SFMBT2: variants seen among roughly 807,000 people sequenced by gnomAD.
SFMBT2 encodes the protein Scm like with four mbt domains 2.
A neutral mutation model predicts 110.1 loss-of-function variants in SFMBT2; 38 were observed. That is an observed-to-expected ratio of 0.35 (90% CI 0.27 to 0.45). The LOEUF (loss-of-function observed/expected upper bound fraction) is 0.45. Ranked by LOEUF, SFMBT2 falls within the 20% of genes least tolerant of loss-of-function variation. SFMBT2 has a pLI of 1.00. For synonymous variants in SFMBT2, 425 were observed against 425.4 expected, an observed-to-expected ratio of 1.00 and a Z score of 0.01; for missense variants, 1,011 against 1,094.9, an observed-to-expected ratio of 0.92 and a Z score of 1.08.
At chr10:7,330,696 C>T (rs1843538291) in intron 4 of SFMBT2, among the ~76,000 whole-genome samples, 2 of 152,310 alleles carry the variant, frequency 1.3e-5, no homozygotes, top group Admixed American at 6.5e-5. Context: ...TCCCATCTCT[C>T]TCTATCCCCC....
At chr10:7,387,449 T>C (rs562502234) in intron 1 of SFMBT2, among the ~76,000 whole-genome samples, 227 of 152,210 alleles carry the variant, frequency 1.5e-3, no homozygotes, top group Non-Finnish European at 2.9e-3. Context: ...AGCAAGTCTG[T>C]CCGTCCAACC....
intron 10 of SFMBT2, among the ~76,000 whole-genome samples, chr10:7,222,331 C>G (rs930133424): frequency 6.6e-6 from 1 of 152,090 alleles, no homozygotes; most frequent in African/African-American, 2.4e-5. Flanking sequence ...TTCATGTAAA[C>G]GTAAGTATAT....
At chr10:7,361,672 C>G (rs900811440) in intron 4 of SFMBT2, among the ~76,000 whole-genome samples, 2 of 152,122 alleles carry the variant, frequency 1.3e-5, no homozygotes, top group Non-Finnish European at 2.9e-5. Context: ...CTGCAGAGTA[C>G]GCAATTCAAA....
chr10:7,264,102 A>C (rs1368311015), intron 7 of SFMBT2: 2 of 244,044 alleles, frequency 8.2e-6, no homozygotes, highest in South Asian at 3.0e-4. Flanking sequence ...GAAGGTCTTT[A>C]TTTCTTTCTT....
intron 4 of SFMBT2, among the ~76,000 whole-genome samples, chr10:7,312,411 C>T (rs183298594): frequency 8.0e-4 from 122 of 152,214 alleles, no homozygotes; most frequent in African/African-American, 2.1e-3. Flanking sequence ...CTTCACAAGA[C>T]AGAAGTAAAG....
chr10:7,360,545 T>C (rs983404424), intron 4 of SFMBT2, among the ~76,000 whole-genome samples: 1 of 152,098 alleles, frequency 6.6e-6, no homozygotes, highest in Non-Finnish European at 1.5e-5. Context: ...AACACGGATT[T>C]CTGGGGGGAA....
At chr10:7,272,644 C>T (rs998622050) in intron 7 of SFMBT2, among the ~76,000 whole-genome samples, 2 of 152,246 alleles carry the variant, frequency 1.3e-5, no homozygotes, top group African/African-American at 2.4e-5. Flanking sequence ...GCTCCTGGAA[C>T]GCTGGCAGTC....
chr10:7,163,787 C>T lies in SFMBT2; in HGVS notation c.2668G>A (p.Ala890Thr), dbSNP rs202183517. ...GGGCAGACTCAGTTGGCGTACTGGG[C>T]GTAGAAAGCCACTTTGACTCTCTCG... ...QIERVKVAFY[A>T]QYAN Residue 890 changes from alanine to threonine, a missense_variant, in exon 21 of 21, where the codon GCC becomes ACC. By Grantham distance (58) the Ala-to-Thr change is moderately conservative. Transcript: ENST00000397167. This position sits in a 1 kb window ranked among gnomAD's most constrained non-coding sequence, Gnocchi z 4.8. 1.7e-5 allele frequency: 27 copies of T among 1,613,934 alleles called. No homozygotes were observed. The Middle Eastern group carries it at 1.2e-3, about 69-fold the overall frequency.
chr10:7,404,806 C>G (rs1846170484), intron 1 of SFMBT2, among the ~76,000 whole-genome samples: 1 of 152,142 alleles, frequency 6.6e-6, no homozygotes, highest in African/African-American at 2.4e-5. Flanking sequence ...TACAGGCCAA[C>G]CAGATGGGAA....
rs987970056 is a variant in SFMBT2 at position 7,385,813 on chromosome 10, C to A, written c.-51-3864G>T. The stretch of plus-strand genomic sequence containing the variant: ...AGGAGATCAAGACCATCCTGGCTAA[C>A]ACGGTGAAACCCCGTCTCTACTAAA... On this transcript the variant is annotated intron_variant, in intron 1 of 20. Transcript: ENST00000397167. Among the ~76,000 whole-genome samples the A allele has an allele frequency of 3.6e-4, 55 of 152,168 alleles. No homozygotes were observed. The East Asian group carries it at 9.5e-3, about 26-fold the overall frequency.
At position 7,170,262 on chromosome 10, in the gene SFMBT2, G is replaced by C. The variant is rs1330162951; in HGVS notation, c.2544+666C>G. Among the ~76,000 whole-genome samples, 1 of 152,226 alleles carries C rather than the reference G, an allele frequency of 6.6e-6. No individual in the cohort carries two copies. Among genetic ancestry groups the C allele is most frequent in the Non-Finnish European group, 1.5e-5 (1 of 68,040 alleles). On this transcript the variant is annotated intron_variant, in intron 20 of 20. Transcript: ENST00000397167. This position sits in a 1 kb window ranked among gnomAD's most constrained non-coding sequence, Gnocchi z 4.6. ...GCCCCTGAGACTTGGAGCTGAAGAAGCTGCAACCCAGATTTGCCAAAAGGC... is the reference window on the plus strand; with the variant it reads ...GCCCCTGAGACTTGGAGCTGAAGAACCTGCAACCCAGATTTGCCAAAAGGC...
intron 4 of SFMBT2, among the ~76,000 whole-genome samples, chr10:7,338,449 T>G (rs1462858730): frequency 6.6e-6 from 1 of 152,224 alleles, no homozygotes; most frequent in Non-Finnish European, 1.5e-5. Flanking sequence ...ATTTTGTATG[T>G]TCTATGTATT....
At chr10:7,401,659 T>G (rs749133224) in intron 1 of SFMBT2, among the ~76,000 whole-genome samples, 1 of 152,166 alleles carries the variant, frequency 6.6e-6, no homozygotes, top group Non-Finnish European at 1.5e-5. Context: ...GGGCTCAGGA[T>G]CAACCCTGAT....
chr10:7,255,856 G>A (rs915606089), intron 7 of SFMBT2, among the ~76,000 whole-genome samples: 4 of 152,130 alleles, frequency 2.6e-5, no homozygotes, highest in African/African-American at 9.7e-5. Flanking sequence ...ACTTTTTGAG[G>A]GCCAACAAGA....
rs561099524 is a variant in SFMBT2, at chr10:7,208,787, G to A, written c.1331-2859C>T. Among the ~76,000 whole-genome samples the A allele has an allele frequency of 9.9e-5, 15 of 151,752 alleles. 1 individual carries two copies. The highest frequency in any genetic ancestry group is 8.3e-4 in the South Asian group (4 of 4,816). ...GTTCTGCTAATTCAAACATCACATC[G>A]TATTATGGCTTTAATACATACGCTT... is the stretch of plus-strand genomic sequence containing the variant. On this transcript the variant is annotated intron_variant, in intron 11 of 20. Transcript: ENST00000397167.
At chr10:7,191,725 A>G (rs911880269) in intron 15 of SFMBT2, among the ~76,000 whole-genome samples, 18 of 152,352 alleles carry the variant, frequency 1.2e-4, no homozygotes, top group African/African-American at 4.1e-4. Flanking sequence ...GCAGGAAATC[A>G]GGGACTTCAT....
intron 15 of SFMBT2, among the ~76,000 whole-genome samples, chr10:7,192,098 G>A (rs1369826969): frequency 6.6e-6 from 1 of 151,844 alleles, no homozygotes; most frequent in Non-Finnish European, 1.5e-5. Context: ...CAGCACCCCA[G>A]ACCATGTGAG....
At chr10:7,212,599 T>C (rs1225914917) in intron 11 of SFMBT2, among the ~76,000 whole-genome samples, 1 of 152,236 alleles carries the variant, frequency 6.6e-6, no homozygotes, top group African/African-American at 2.4e-5. Context: ...CAATGACTAC[T>C]ACGTGCTAAC....
At chr10:7,227,813 A>G in intron 10 of SFMBT2, 42 bp downstream of exon 10, 1 of 1,566,868 alleles carries the variant, frequency 6.4e-7, no homozygotes, top group Non-Finnish European at 8.7e-7. Flanking sequence ...GGTAGACAAA[A>G]TCTATGATTT....
Sources: allele counts gnomAD v4.1 joint callset (sites outside exome capture counted in the v4.1 genomes callset), GRCh38; gene constraint gnomAD v4.1.1; non-coding constraint Gnocchi (gnomAD v3.1); transcripts MANE v1.5; gene names NCBI Gene and HGNC (gene_info 2026-07-23, HGNC 2026-07-21).